Variants in ACP3 observed in about 807,000 individuals in gnomAD.
ACP3 encodes the protein prostatic acid phosphatase.
In ACP3, 38 loss-of-function variants were observed where a neutral mutation model predicts 45.6. The ratio of observed to expected loss-of-function variants is 0.83; its 90% confidence interval spans 0.64 to 1.09. ACP3 has a LOEUF of 1.09. Among genes scored for constraint, ACP3 ranks in the 50% least tolerant of loss-of-function variants. The pLI is 0.00. For synonymous variants in ACP3, 162 were observed against 164.7 expected (o/e 0.98, Z 0.13); for missense variants, 466 against 463.2 (o/e 1.01, Z -0.05).
At chr3:132,324,882 C>T (rs1361561131) in intron 1 of ACP3, among the ~76,000 whole-genome samples, 1 of 152,158 alleles carries the variant, frequency 6.6e-6, no homozygotes, top group Non-Finnish European at 1.5e-5. Flanking sequence ...ACCTCATGAT[C>T]CGCCTGCCTC....
intron 1 of ACP3, among the ~76,000 whole-genome samples, chr3:132,326,583 C>T (rs548192052): frequency 1.3e-5 from 2 of 152,078 alleles, no homozygotes; most frequent in East Asian, 1.9e-4. Context: ...ACTACTCTAC[C>T]GAAGTTTTAA....
chr3:132,337,403 T>C lies in ACP3; in HGVS notation c.457-53T>C, dbSNP rs187463519. 8.5e-6 allele frequency: 10 copies of C among 1,172,126 alleles called. No homozygotes were observed. The East Asian group carries it at 2.4e-4, about 28-fold the overall frequency. 72.6% of individuals were successfully genotyped at this position (1,172,126 alleles called of 1,614,324 possible). A position where few individuals can be genotyped will look rare whatever the true frequency, so the allele number is the denominator to read the frequency against. On this transcript the variant is annotated intron_variant, in intron 4 of 9. Coordinates refer to ENST00000336375, the MANE Select transcript of ACP3 (RefSeq NM_001099.5). The stretch of plus-strand genomic sequence containing the variant: ...GCTTAAAATATTGCTGCAGCATATT[T>C]AGCAAAGTTTTTCTGACTCATAACA...
chr3:132,349,962 C>T lies in ACP3; in HGVS notation c.824C>T (p.Thr275Ile), dbSNP rs2107812749. The change falls in exon 8 of 10, where the codon ACT (threonine) becomes ATT (isoleucine). Residue 275 changes from threonine (T) to isoleucine (I), a missense_variant. Physicochemically the swap from Thr to Ile is moderately conservative, Grantham distance 89. Coordinates refer to ENST00000336375, the MANE Select transcript of ACP3 (RefSeq NM_001099.5). ...NEILNHMKRA[T>I]QIPSYKKLIM... ...ATCCTCAATCACATGAAGAGAGCAACTCAGATACCAAGCTACAAAAAACTC... is the reference window on the plus strand; with the variant it reads ...ATCCTCAATCACATGAAGAGAGCAATTCAGATACCAAGCTACAAAAAACTC... 2 of 1,612,986 alleles carry T rather than the reference C, an allele frequency of 1.2e-6. No individual in the cohort carries two copies. The highest frequency in any genetic ancestry group is 8.5e-7 in the Non-Finnish European group (1 of 1,179,050).
intron 1 of ACP3, among the ~76,000 whole-genome samples, chr3:132,323,797 C>T (rs309992): frequency 0.67 from 102,018 of 152,118 alleles, 34,855 homozygotes; most frequent in African/African-American, 0.79. Flanking sequence ...TTGTAAGGAC[C>T]TTTAATTTAT....
intron 8 of ACP3, among the ~76,000 whole-genome samples, chr3:132,351,142 G>A (rs903659706): frequency 5.9e-5 from 9 of 152,186 alleles, no homozygotes; most frequent in African/African-American, 1.9e-4. Context: ...GGTTTGAAAT[G>A]CCACAGGGGC....
rs965451847 is a variant in ACP3, at chr3:132,349,991, A to G, written c.853A>G (p.Met285Val). The change falls in exon 8 of 10, where the codon ATG (methionine) becomes GTG (valine). Residue 285 changes from methionine to valine, a missense_variant. Met to Val is a conservative substitution (Grantham distance 21, BLOSUM62 1). Transcript: ENST00000336375. ...GATACCAAGCTACAAAAAACTCATC[A>G]TGTATTCTGCGGTAAGTATTTTCAT... ...TQIPSYKKLI[M>V]YSAHDTTVSG... The G allele has an allele frequency of 4.4e-6, 7 of 1,600,492 alleles. No homozygotes were observed. Among genetic ancestry groups the G allele is most frequent in the African/African-American group, 1.3e-5 (1 of 74,848 alleles).
At chr3:132,328,504 C>A in intron 2 of ACP3, 142 bp downstream of exon 2, 1 of 543,750 alleles carries the variant, frequency 1.8e-6, no homozygotes, top group Non-Finnish European at 3.3e-6. Context: ...CGTGGTGAAA[C>A]CCTCTCTCTA....
At position 132,343,777 on chromosome 3, in the gene ACP3, AT is replaced by A. The variant is rs576978158; in HGVS notation, c.648+1135del. On this transcript the variant is annotated intron_variant, in intron 6 of 9. Coordinates refer to ENST00000336375, the MANE Select transcript of ACP3 (RefSeq NM_001099.5). ...TCACCTGCCCTGCTTGTACTTAACC[AT>A]TCATTTAACGCATATTTACCAAGTA... 2.3e-3 allele frequency among the ~76,000 whole-genome samples: 355 copies of A among 152,278 alleles called. 2 individuals carry two copies. Among genetic ancestry groups the A allele is most frequent in the African/African-American group, 8.1e-3 (335 of 41,550 alleles).
chr3:132,329,355 C>T (rs1442969395), intron 2 of ACP3, among the ~76,000 whole-genome samples: 2 of 151,990 alleles, frequency 1.3e-5, no homozygotes, highest in Non-Finnish European at 2.9e-5. Context: ...TAGTATGTGT[C>T]CTGGGCATTG....
chr3:132,356,872 A>G lies in ACP3; in HGVS notation c.1155A>G (p.Thr385=), dbSNP rs1410214107. 2 of 1,612,282 alleles carry G rather than the reference A, an allele frequency of 1.2e-6. No homozygotes were observed. Among genetic ancestry groups the G allele is most frequent in the East Asian group, 2.2e-5 (1 of 44,830 alleles). ...TNSHQGTEDS[T]D ...GCCATCAAGGTACTGAAGACAGTACAGATTAGTGTGCACAGAGATCTCTGT... is the reference window on the plus strand; with the variant it reads ...GCCATCAAGGTACTGAAGACAGTACGGATTAGTGTGCACAGAGATCTCTGT... Residue 385 remains threonine, a synonymous_variant, in exon 10 of 10, where the codon ACA becomes ACG. Transcript: ENST00000336375.
intron 2 of ACP3, among the ~76,000 whole-genome samples, chr3:132,331,417 TGTTAA>T (rs1362573010): frequency 1.3e-5 from 2 of 152,252 alleles, no homozygotes. Context: ...CAAGTCTCTA[TGTTAA>T]GTGCTAATGA....
chr3:132,337,278 G>C, intron 4 of ACP3, 178 bp from the exon 5 acceptor site: 1 of 460,482 alleles, frequency 2.2e-6, no homozygotes, highest in South Asian at 4.7e-5. Flanking sequence ...ACTATTTTAA[G>C]ACCTATAGAT....
chr3:132,318,369 C>G (rs1471410674), intron 1 of ACP3, among the ~76,000 whole-genome samples: 1 of 144,744 alleles, frequency 6.9e-6, no homozygotes, highest in African/African-American at 2.6e-5. Context: ...CTTTCTCTTC[C>G]CTACATTTTT....
At chr3:132,317,902 G>A (rs993452643) in intron 1 of ACP3, among the ~76,000 whole-genome samples, 1 of 152,308 alleles carries the variant, frequency 6.6e-6, no homozygotes, top group South Asian at 2.1e-4. Context: ...CACAGCTGGC[G>A]CTGTTTATGT....
At position 132,358,803 on chromosome 3, in the gene ACP3, G is replaced by A. The variant is rs1937977902; in HGVS notation, c.*1925G>A. 14 of 985,176 alleles carry A rather than the reference G, an allele frequency of 1.4e-5. No individual in the cohort carries two copies. The highest frequency in any genetic ancestry group is 9.4e-5 in the South Asian group (2 of 21,318). 61.0% of individuals were successfully genotyped at this position (985,176 alleles called of 1,614,324 possible). On this transcript the variant is annotated 3_prime_UTR_variant, in exon 10 of 10. Coordinates refer to ENST00000336375, the MANE Select transcript of ACP3 (RefSeq NM_001099.5). Reference sequence around the variant, plus strand: ...AACTTAGAAAAACGTATGTGTGTGTGTTTAATTAGAATAAAATTCCTCTAG... The same window carrying A: ...AACTTAGAAAAACGTATGTGTGTGTATTTAATTAGAATAAAATTCCTCTAG...
exon 11 of ACP3, chr3:132,367,796 C>A: frequency 3.1e-6 from 5 of 1,613,236 alleles, no homozygotes; most frequent in Non-Finnish European, 4.2e-6. Flanking sequence ...ACTCTGCTGG[C>A]AGAGAGAATC....
chr3:132,343,070 C>T (rs1426212464), intron 6 of ACP3, among the ~76,000 whole-genome samples: 1 of 152,186 alleles, frequency 6.6e-6, no homozygotes, highest in Non-Finnish European at 1.5e-5. Flanking sequence ...ATAAGCCAGG[C>T]TATTTATATT....
chr3:132,329,756 A>G (rs1205280806), intron 2 of ACP3, among the ~76,000 whole-genome samples: 1 of 152,100 alleles, frequency 6.6e-6, no homozygotes, highest in African/African-American at 2.4e-5. Flanking sequence ...TCACTTGGGA[A>G]TCTTGTCAAA....
chr3:132,367,553 T>A, intron 10 of ACP3: 1 of 615,996 alleles, frequency 1.6e-6, no homozygotes, highest in Non-Finnish European at 2.9e-6. Flanking sequence ...AGTCCTGTGC[T>A]CTTCTTAGCA....
Sources: gnomAD v4.1 joint callset for allele counts (sites outside exome capture counted in the v4.1 genomes callset) on GRCh38, gnomAD v4.1.1 for gene constraint, MANE v1.5 for transcripts, NCBI Gene and HGNC (gene_info 2026-07-23, HGNC 2026-07-21) for gene names.